The following PPM1F variants were observed in gnomAD, a reference collection of about 807,000 sequenced individuals.
The protein encoded by PPM1F is protein phosphatase 1F.
PPM1F carries 17 observed loss-of-function variants against 35.5 expected under a neutral mutation model. The observed-to-expected ratio is 0.48, with a 90% CI of 0.33 to 0.72. PPM1F has a LOEUF of 0.72. Ranked by LOEUF, PPM1F falls within the 30% of genes least tolerant of loss-of-function variation. PPM1F has a pLI of 0.02. For missense variants in PPM1F, 521 were observed against 613.0 expected, an observed-to-expected ratio of 0.85 and a Z score of 1.59; for synonymous variants, 241 against 255.5, an observed-to-expected ratio of 0.94 and a Z score of 0.54.
intron 2 of PPM1F, chr22:21,943,546 T>A (rs2070747181): frequency 6.6e-6 from 1 of 152,150 alleles, no homozygotes; most frequent in Non-Finnish European, 1.5e-5. Context: ...CAGCAGCCGC[T>A]CAACAAGTCT....
chr22:21,947,725 G>C (rs2070791112), intron 1 of PPM1F: 1 of 152,234 alleles, frequency 6.6e-6, no homozygotes, highest in Non-Finnish European at 1.5e-5. Context: ...TGCTAAAAGG[G>C]CGGCTGTGGC....
chr22:21,921,062 A>G lies in PPM1F; in HGVS notation c.*2030T>C, dbSNP rs1411183566. Reference sequence around the variant, plus strand: ...GTAAATAAGAGACCTTAAGCAATGCATTGACTGCATGGTCTCAACCTCATC... The same window carrying G: ...GTAAATAAGAGACCTTAAGCAATGCGTTGACTGCATGGTCTCAACCTCATC... On this transcript the variant is annotated 3_prime_UTR_variant, in exon 8 of 8. Coordinates refer to ENST00000263212, the MANE Select transcript of PPM1F (RefSeq NM_014634.4). 2 of 152,368 alleles carry G rather than the reference A, an allele frequency of 1.3e-5. No homozygotes were observed. The highest frequency in any genetic ancestry group is 2.4e-5 in the African/African-American group (1 of 41,392). 9.4% of individuals were successfully genotyped at this position (152,368 alleles called of 1,614,324 possible). A position where few individuals can be genotyped will look rare whatever the true frequency, so the allele number is the denominator to read the frequency against.
At chr22:21,933,712 G>A in intron 4 of PPM1F, 133 bp from the exon 5 acceptor site, 1 of 836,362 alleles carries the variant, frequency 1.2e-6, no homozygotes, top group Non-Finnish European at 1.8e-6. Flanking sequence ...TGCGTATGAG[G>A]GGGTAGGTTT....
chr22:21,928,454 C>T (rs910437533), intron 6 of PPM1F, among the ~76,000 whole-genome samples: 2 of 152,230 alleles, frequency 1.3e-5, no homozygotes, highest in African/African-American at 4.8e-5. Context: ...GGCCTGATCA[C>T]TTCAGAAGCT....
chr22:21,938,599 G>A, intron 3 of PPM1F: 1 of 1,027,972 alleles, frequency 9.7e-7, no homozygotes, highest in South Asian at 3.1e-5. Context: ...AAAGGAAATG[G>A]CAAAGGAAGG....
Position 21,933,564 on chromosome 22 carries a change from C to T in PPM1F, c.574G>A (p.Ala192Thr). 3.1e-6 allele frequency: 5 copies of T among 1,612,084 alleles called. No individual in the cohort carries two copies. The highest frequency in any genetic ancestry group is 1.3e-5 in the African/African-American group (1 of 75,032). Residue 192 changes from alanine to threonine, a missense_variant, in exon 5 of 8, where the codon GCC (alanine) becomes ACC (threonine). Physicochemically the swap from Ala to Thr is moderately conservative, Grantham distance 58 (BLOSUM62 0). Transcript: ENST00000263212. ...LFGLSDPVNRAYFAVFDGHGG... is the reference protein window; with the variant it reads ...LFGLSDPVNRTYFAVFDGHGG... ...TGACCATCAAACACAGCAAAGTAGGCGCGGTTCACAGGGTCCTGGTGGGGA... is the reference window on the plus strand; with the variant it reads ...TGACCATCAAACACAGCAAAGTAGGTGCGGTTCACAGGGTCCTGGTGGGGA...
At chr22:21,930,703 G>A (rs2070578555) in intron 6 of PPM1F, among the ~76,000 whole-genome samples, 1 of 152,200 alleles carries the variant, frequency 6.6e-6, no homozygotes, top group East Asian at 1.9e-4. Context: ...GAGTGGGACT[G>A]TCATCCTCAT....
At chr22:21,932,494 C>T (rs985110854) in intron 5 of PPM1F, among the ~76,000 whole-genome samples, 3 of 152,144 alleles carry the variant, frequency 2.0e-5, no homozygotes, top group African/African-American at 7.2e-5. Flanking sequence ...GTGCACCTTT[C>T]CCCTGGTGTC....
chr22:21,933,289 A>G, intron 5 of PPM1F, 102 bp downstream of exon 5: 1 of 1,100,892 alleles, frequency 9.1e-7, no homozygotes. Context: ...TTTAGTGAGG[A>G]CCTTCCAGCA....
At chr22:21,947,667 T>G (rs2070790630) in intron 1 of PPM1F, 1 of 152,106 alleles carries the variant, frequency 6.6e-6, no homozygotes, top group Admixed American at 6.5e-5. Flanking sequence ...AGGAGAATCT[T>G]CTAGAATCAT....
chr22:21,929,411 C>T (rs1436284893), intron 6 of PPM1F, among the ~76,000 whole-genome samples: 1 of 152,192 alleles, frequency 6.6e-6, no homozygotes, highest in African/African-American at 2.4e-5. Context: ...CTCCAGGGAC[C>T]CCTGTGTGAT....
At chr22:21,932,673 A>G (rs2070606629) in intron 5 of PPM1F, 1 of 152,166 alleles carries the variant, frequency 6.6e-6, no homozygotes, top group Non-Finnish European at 1.5e-5. Flanking sequence ...ATGCATTTGT[A>G]TTCTTTCTTC....
chr22:21,934,932 AGCT>A (rs921754436), intron 3 of PPM1F: 15 of 151,670 alleles, frequency 9.9e-5, no homozygotes, highest in African/African-American at 3.6e-4. Flanking sequence ...TGAAGAATTA[AGCT>A]GCTATTAAAT....
chr22:21,949,423 T>C (rs1388712178), intron 1 of PPM1F: 1 of 152,326 alleles, frequency 6.6e-6, no homozygotes, highest in Non-Finnish European at 1.5e-5. Flanking sequence ...ACGTACACCA[T>C]GGCACACCCG....
At chr22:21,929,635 G>GGGGA (rs1177466594) in intron 6 of PPM1F, among the ~76,000 whole-genome samples, 4 of 152,150 alleles carry the variant, frequency 2.6e-5, no homozygotes, top group Non-Finnish European at 4.4e-5. Context: ...TGCATATCCT[G>GGGGA]GGGAGGAGAG....
chr22:21,946,067 G>T lies in PPM1F; in HGVS notation c.-19C>A. On this transcript the variant is annotated 5_prime_UTR_variant, in exon 2 of 8. Coordinates refer to ENST00000263212, the MANE Select transcript of PPM1F (RefSeq NM_014634.4). Reference sequence around the variant, plus strand: ...AGGACATGCCCAAAGCATCCCGGGGGCCTGCAGCTAGGCCAGGGCAAGAGG... The same window carrying T: ...AGGACATGCCCAAAGCATCCCGGGGTCCTGCAGCTAGGCCAGGGCAAGAGG... The T allele has an allele frequency of 6.7e-7, 1 of 1,497,802 alleles. No homozygotes were observed. 92.8% of individuals were successfully genotyped at this position (1,497,802 alleles called of 1,614,324 possible). A position where few individuals can be genotyped will look rare whatever the true frequency, so the allele number is the denominator to read the frequency against.
intron 1 of PPM1F, chr22:21,949,667 A>G (rs2145810613): frequency 6.6e-6 from 1 of 152,410 alleles, no homozygotes; most frequent in South Asian, 2.1e-4. Context: ...AAAACTCCGA[A>G]TAAGAGGGAC....
At chr22:21,926,814 G>A (rs567444850) in intron 6 of PPM1F, among the ~76,000 whole-genome samples, 1 of 152,292 alleles carries the variant, frequency 6.6e-6, no homozygotes, top group South Asian at 2.1e-4. Flanking sequence ...GATGCCCCAG[G>A]TGATGGTGTC....
intron 1 of PPM1F, 30 bp from the exon 2 acceptor site, chr22:21,946,138 C>A: frequency 8.7e-7 from 1 of 1,147,606 alleles, no homozygotes; most frequent in South Asian, 1.7e-5. Context: ...TCAGCAGAAT[C>A]AGGGGGCCAT....
Sources: allele counts gnomAD v4.1 joint callset (sites outside exome capture counted in the v4.1 genomes callset), GRCh38; gene constraint gnomAD v4.1.1; transcripts MANE v1.5; gene names NCBI Gene and HGNC (gene_info 2026-07-23, HGNC 2026-07-21).